Variants in ZKSCAN3 observed in about 807,000 individuals in gnomAD.
The protein encoded by ZKSCAN3 is zinc finger with KRAB and SCAN domains 3.
Under a neutral mutation model 30.7 loss-of-function variants are expected in ZKSCAN3, and 21 were observed. The ratio of observed to expected loss-of-function variants is 0.68; its 90% CI spans 0.49 to 0.99. The LOEUF is 0.99. Ranked by LOEUF, ZKSCAN3 falls within the 50% of genes least tolerant of loss-of-function variation. ZKSCAN3 has a pLI of 0.00. For synonymous variants in ZKSCAN3, 201 were observed against 246.7 expected (o/e 0.81, Z 1.73); for missense variants, 507 against 647.1 (o/e 0.78, Z 2.35).
At chr6:28,364,792 G>A (rs1004085099) in intron 5 of ZKSCAN3, among the ~76,000 whole-genome samples, 2 of 152,048 alleles carry the variant, frequency 1.3e-5, no homozygotes, top group Non-Finnish European at 2.9e-5. Flanking sequence ...CAGTGGTGCA[G>A]TCTTGGCTCA....
In ZKSCAN3 at chr6:28,360,031, C is replaced by T. The variant is rs752489363; in HGVS notation, c.402+43C>T. Reference sequence around the variant, plus strand: ...AGTATCTGAGCGCTGTGGCCTGTTTCCTCCTGAAATCCCAGATCAGAGTGA... The same window carrying T: ...AGTATCTGAGCGCTGTGGCCTGTTTTCTCCTGAAATCCCAGATCAGAGTGA... On this transcript the variant is annotated intron_variant, in intron 2 of 5. Coordinates refer to ENST00000252211, the MANE Select transcript of ZKSCAN3 (RefSeq NM_024493.4). The T allele has an allele frequency of 1.5e-5, 24 of 1,614,020 alleles. No homozygotes were observed. The Admixed American group carries it at 2.3e-4, about 16-fold the overall frequency.
At position 28,365,628 on chromosome 6, in the gene ZKSCAN3, A is replaced by C. The variant is rs750180300; in HGVS notation, c.960A>C (p.Gly320=). The change falls in exon 6 of 6, where the codon GGA becomes GGC. Residue 320 remains glycine (G), a synonymous_variant. Coordinates refer to ENST00000252211, the MANE Select transcript of ZKSCAN3 (RefSeq NM_024493.4). The stretch of plus-strand genomic sequence containing the variant: ...GGCGGCACATCTGCCATGAATGTGG[A>C]AAGAGTTTTGCTCAAAGCTCAGGCC... ...GGRRHICHEC[G]KSFAQSSGLS... 1 of 1,614,270 alleles carries C rather than the reference A, an allele frequency of 6.2e-7. No homozygotes were observed. The highest frequency in any genetic ancestry group is 8.5e-7 in the Non-Finnish European group (1 of 1,180,046).
chr6:28,359,745 C>G lies in ZKSCAN3; in HGVS notation c.159C>G (p.Arg53=). 1 of 1,614,196 alleles carries G rather than the reference C, an allele frequency of 6.2e-7. No homozygotes were observed. The highest frequency in any genetic ancestry group is 8.5e-7 in the Non-Finnish European group (1 of 1,180,040). The change falls in exon 2 of 6, where the codon CGC becomes CGG. Residue 53 remains arginine, a synonymous_variant. Coordinates refer to ENST00000252211, the MANE Select transcript of ZKSCAN3 (RefSeq NM_024493.4). ...EGSRERFRGF[R]YPEAAGPREA... is the part of the protein sequence containing the mutation. ...CCCGCGAGCGCTTCCGAGGCTTCCG[C>G]TACCCGGAGGCTGCAGGCCCCCGCG...
At chr6:28,365,171 A>C (rs556570845) in intron 5 of ZKSCAN3, among the ~76,000 whole-genome samples, 149 of 152,228 alleles carry the variant, frequency 9.8e-4, no homozygotes, top group Admixed American at 2.5e-3. Flanking sequence ...TCCCCAGCAT[A>C]GTCCTGGATC....
chr6:28,361,196 A>G, intron 2 of ZKSCAN3, 128 bp from the exon 3 acceptor site: 1 of 1,036,076 alleles, frequency 9.7e-7, no homozygotes, highest in South Asian at 1.6e-5. Flanking sequence ...TACCTCCCTT[A>G]TAAGATTGTT....
intron 1 of ZKSCAN3, among the ~76,000 whole-genome samples, chr6:28,357,552 C>T (rs1765510714): frequency 6.6e-6 from 1 of 152,126 alleles, no homozygotes; most frequent in Non-Finnish European, 1.5e-5. Context: ...GAGAAGAGGC[C>T]ATGGAAAATG....
Position 28,366,510 on chromosome 6 carries a change from G to A in ZKSCAN3, c.*225G>A, listed in dbSNP as rs1581744434. ...GGCTACGGGAGAGTTGTCTAGAAGA[G>A]GTAAGACCTGAAACTGTTTGTTCTC... On this transcript the variant is annotated 3_prime_UTR_variant, in exon 6 of 6. Transcript: ENST00000252211. 5.1e-6 allele frequency: 2 copies of A among 393,846 alleles called. No homozygotes were observed. Among genetic ancestry groups the A allele is most frequent in the East Asian group, 4.0e-5 (1 of 24,778 alleles). The allele number at this position is 393,846 out of a possible 1,614,324, so 24.4% of individuals were successfully genotyped here.
intron 4 of ZKSCAN3, 141 bp from the exon 5 acceptor site, chr6:28,363,551 T>G: frequency 7.2e-7 from 1 of 1,395,724 alleles, no homozygotes; most frequent in East Asian, 2.3e-5. Flanking sequence ...ATCATTAACT[T>G]TATTTAGGTG....
chr6:28,355,785 A>G (rs1304918704), intron 1 of ZKSCAN3: 1 of 152,296 alleles, frequency 6.6e-6, no homozygotes. Flanking sequence ...TCACCCTCCC[A>G]CGAAGGCAAA....
At chr6:28,359,411 C>T in intron 1 of ZKSCAN3, 114 bp from the exon 2 acceptor site, 1 of 767,868 alleles carries the variant, frequency 1.3e-6, no homozygotes, top group Non-Finnish European at 2.0e-6. Flanking sequence ...TGCAGAACCA[C>T]TGAACATGGA....
chr6:28,366,476 T>C lies in ZKSCAN3; in HGVS notation c.*191T>C. ...GAAGGGGTTTGTAATCAAAACATAT[T>C]TGATAGGAGGCTACGGGAGAGTTGT... On this transcript the variant is annotated 3_prime_UTR_variant, in exon 6 of 6. Coordinates refer to ENST00000252211, the MANE Select transcript of ZKSCAN3 (RefSeq NM_024493.4). 3.7e-6 allele frequency: 2 copies of C among 546,390 alleles called. No individual in the cohort carries two copies. The highest frequency in any genetic ancestry group is 5.8e-6 in the Non-Finnish European group (2 of 343,846). 33.8% of individuals were successfully genotyped at this position (546,390 alleles called of 1,614,324 possible).
At chr6:28,352,653 A>G (rs1441141766) in intron 1 of ZKSCAN3, among the ~76,000 whole-genome samples, 1 of 152,164 alleles carries the variant, frequency 6.6e-6, no homozygotes, top group Non-Finnish European at 1.5e-5. Context: ...TTGCTCCTAT[A>G]TTTCACCTGT....
Position 28,359,700 on chromosome 6 carries a change from A to G in ZKSCAN3, c.114A>G (p.Pro38=). 3 of 1,614,234 alleles carry G rather than the reference A, an allele frequency of 1.9e-6. No individual in the cohort carries two copies. The highest frequency in any genetic ancestry group is 2.5e-6 in the Non-Finnish European group (3 of 1,180,044). ...AAGAAGCCGGTTTTCCCAGTAGCCC[A>G]GATCTGGGTTCTGAGGGCTCCCGCG... ...EEEEAGFPSS[P]DLGSEGSRER... is the part of the protein sequence containing the mutation. The change falls in exon 2 of 6, where the codon CCA becomes CCG. Residue 38 remains proline, a synonymous_variant. Transcript: ENST00000252211.
intron 4 of ZKSCAN3, 133 bp from the exon 5 acceptor site, chr6:28,363,559 G>T (rs977776488): frequency 2.2e-5 from 31 of 1,422,226 alleles, no homozygotes; most frequent in African/African-American, 5.8e-5. Flanking sequence ...CTTTATTTAG[G>T]TGCCCACTTA....
Position 28,351,519 on chromosome 6 carries a change from A to G in ZKSCAN3, c.-63+1452A>G, listed in dbSNP as rs144825086. 4.8e-3 allele frequency among the ~76,000 whole-genome samples: 738 copies of G among 152,294 alleles called. 4 individuals are homozygous for G. The highest frequency in any genetic ancestry group is 7.1e-3 in the Non-Finnish European group (484 of 68,018). ...TTTAAACACATTTAATTGTAGAGAG[A>G]ATGTTACAATGAACACCAATATAAC... On this transcript the variant is annotated intron_variant, in intron 1 of 5. Transcript: ENST00000252211. The surrounding 1 kb of genome is among the most constrained non-coding windows in gnomAD (Gnocchi z 4.6).
chr6:28,352,849 T>C (rs1379685317), intron 1 of ZKSCAN3, among the ~76,000 whole-genome samples: 4 of 152,108 alleles, frequency 2.6e-5, no homozygotes, highest in Admixed American at 2.6e-4. Context: ...TTCCCTACCA[T>C]CCTTTGAACT....
At chr6:28,362,131 A>G (rs1400279337) in intron 3 of ZKSCAN3, among the ~76,000 whole-genome samples, 7 of 152,110 alleles carry the variant, frequency 4.6e-5, no homozygotes, top group Non-Finnish European at 1.0e-4. Context: ...TTCTTCTTTA[A>G]CTTGTAATTA....
intron 2 of ZKSCAN3, 153 bp downstream of exon 2, chr6:28,360,141 C>A (rs1028606257): frequency 7.4e-7 from 1 of 1,356,440 alleles, no homozygotes; most frequent in East Asian, 2.5e-5. Flanking sequence ...TCCCTGGACT[C>A]CTTCTCAGAA....
intron 1 of ZKSCAN3, among the ~76,000 whole-genome samples, chr6:28,352,255 T>C (rs956702911): frequency 6.6e-6 from 1 of 152,226 alleles, no homozygotes; most frequent in Non-Finnish European, 1.5e-5. Context: ...CAGAATGACC[T>C]AGAAAGTTTT....
Sources: allele counts gnomAD v4.1 joint callset (sites outside exome capture counted in the v4.1 genomes callset), GRCh38; gene constraint gnomAD v4.1.1; non-coding constraint Gnocchi (gnomAD v3.1); transcripts MANE v1.5; gene names NCBI Gene and HGNC (gene_info 2026-07-23, HGNC 2026-07-21).